The following ADGRF5 variants were observed in gnomAD, a reference collection of about 807,000 sequenced individuals.
ADGRF5 encodes adhesion G protein-coupled receptor F5.
Under a neutral mutation model 132.3 loss-of-function variants are expected in ADGRF5, and 75 were observed. The ratio of observed to expected loss-of-function variants is 0.57; its 90% CI spans 0.47 to 0.69. The LOEUF (loss-of-function observed/expected upper bound fraction) is 0.69. Ranked by LOEUF, ADGRF5 falls within the 30% of genes least tolerant of loss-of-function variation. The pLI is 0.00. For synonymous variants in ADGRF5, 629 were observed against 597.6 expected, an observed-to-expected ratio of 1.05 and a Z score of -0.77; for missense variants, 1,516 against 1,630.6, an observed-to-expected ratio of 0.93 and a Z score of 1.21.
At position 46,874,005 on chromosome 6, in the gene ADGRF5, C is replaced by CA. The variant is rs544123898; in HGVS notation, c.1241-1993dup. On this transcript the variant is annotated intron_variant, in intron 10 of 20. Transcript: ENST00000283296. ...CAGACCCCATTATCTGTGGTCTGCC[C>CA]ATTACACATGATTGTAGCTGAGTCT... is the stretch of plus-strand genomic sequence containing the variant. Among the ~76,000 whole-genome samples the CA allele has an allele frequency of 3.5e-3, 534 of 152,300 alleles. 7 individuals are homozygous for CA. The highest frequency in any genetic ancestry group is 0.031 in the South Asian group (149 of 4,826).
Position 46,879,868 on chromosome 6 carries a change from ATGT to A in ADGRF5, c.983_985del (p.Asn328del). On this transcript the variant is annotated inframe_deletion, in exon 9 of 21. Coordinates refer to ENST00000283296, the MANE Select transcript of ADGRF5 (RefSeq NM_001098518.2). Reference sequence around the variant, plus strand: ...GATGGTGAGCTTGGACACCGAAGTCATGTTGTTGAAAAGTGCGGTGTAAATCGA... The same window carrying A: ...GATGGTGAGCTTGGACACCGAAGTCATGTTGAAAAGTGCGGTGTAAATCGA... 1 of 1,614,142 alleles carries A rather than the reference ATGT, an allele frequency of 6.2e-7. No individual in the cohort carries two copies. Among genetic ancestry groups the A allele is most frequent in the African/African-American group, 1.3e-5 (1 of 75,050 alleles).
intron 20 of ADGRF5, chr6:46,854,683 G>C: frequency 8.2e-7 from 1 of 1,220,786 alleles, no homozygotes; most frequent in South Asian, 1.3e-5. Flanking sequence ...AGTGTGTGTC[G>C]GGCAAGAAAA....
upstream of ADGRF5, chr6:46,922,008 G>C (rs1450901508): frequency 6.6e-6 from 1 of 152,232 alleles, no homozygotes; most frequent in Non-Finnish European, 1.5e-5. Flanking sequence ...CGGATGGCGT[G>C]TGCGATTTCC....
At chr6:46,857,243 C>T (rs1326514060) in intron 17 of ADGRF5, among the ~76,000 whole-genome samples, 2 of 152,182 alleles carry the variant, frequency 1.3e-5, no homozygotes, top group Admixed American at 6.5e-5. Flanking sequence ...GGTGGGATAA[C>T]TAGTTCCTTC....
At chr6:46,873,750 A>T (rs1771342826) in intron 10 of ADGRF5, among the ~76,000 whole-genome samples, 1 of 152,168 alleles carries the variant, frequency 6.6e-6, no homozygotes, top group Non-Finnish European at 1.5e-5. Flanking sequence ...CATCTTCGGT[A>T]CCTTCAACTC....
chr6:46,884,991 C>G (rs547129555), intron 4 of ADGRF5, among the ~76,000 whole-genome samples: 16 of 152,214 alleles, frequency 1.1e-4, no homozygotes, highest in African/African-American at 3.6e-4. Flanking sequence ...CACTTGAGCC[C>G]AGGAGTTTGA....
chr6:46,920,557 T>G (rs927630535), intron 1 of ADGRF5, among the ~76,000 whole-genome samples: 389 of 121,532 alleles, frequency 3.2e-3, no homozygotes, highest in Admixed American at 3.8e-3. Flanking sequence ...ATATTGGGGG[T>G]GCAATTGAAA....
intron 3 of ADGRF5, among the ~76,000 whole-genome samples, chr6:46,892,790 T>A (rs114121115): frequency 6.6e-6 from 1 of 152,108 alleles, no homozygotes; most frequent in Non-Finnish European, 1.5e-5. Flanking sequence ...GAAAAATGCA[T>A]TGTGACCCAT....
At chr6:46,867,493 G>A (rs1199911025) in intron 12 of ADGRF5, among the ~76,000 whole-genome samples, 4 of 152,178 alleles carry the variant, frequency 2.6e-5, no homozygotes, top group Non-Finnish European at 4.4e-5. Context: ...TTTGCCGTGC[G>A]CAGAGGTGGG....
intron 1 of ADGRF5, among the ~76,000 whole-genome samples, chr6:46,912,563 G>A (rs1210326165): frequency 1.3e-5 from 2 of 152,104 alleles, no homozygotes; most frequent in East Asian, 1.9e-4. Flanking sequence ...GATTAGGTAA[G>A]ATTGATTAGG....
chr6:46,864,643 G>C (rs1167124336), intron 14 of ADGRF5, among the ~76,000 whole-genome samples: 1 of 151,506 alleles, frequency 6.6e-6, no homozygotes, highest in African/African-American at 2.4e-5. Flanking sequence ...TTCCGCCTCA[G>C]CCTCCCGAGC....
chr6:46,884,387 C>G (rs1772830065), intron 4 of ADGRF5, 116 bp from the exon 5 acceptor site: 1 of 788,044 alleles, frequency 1.3e-6, no homozygotes, highest in Non-Finnish European at 2.1e-6. Context: ...CTTTATATTA[C>G]CTTTCTGAGA....
intron 1 of ADGRF5, among the ~76,000 whole-genome samples, chr6:46,939,926 AG>A (rs1268076997): frequency 6.6e-6 from 1 of 152,236 alleles, no homozygotes; most frequent in African/African-American, 2.4e-5. Context: ...AAATGCTCAC[AG>A]GAACTTATTT....
chr6:46,925,493 A>G (rs1013213862), upstream of ADGRF5, among the ~76,000 whole-genome samples: 1 of 152,224 alleles, frequency 6.6e-6, no homozygotes, highest in Admixed American at 6.5e-5. Flanking sequence ...GCAGTGGCTC[A>G]TGCCTGTAAT....
intron 1 of ADGRF5, among the ~76,000 whole-genome samples, chr6:46,916,325 T>C (rs1776412636): frequency 6.6e-6 from 1 of 152,216 alleles, no homozygotes; most frequent in Non-Finnish European, 1.5e-5. Flanking sequence ...ACTGAACTTG[T>C]CTCCTGTCCC....
rs573068708 is a variant in ADGRF5, at chr6:46,858,377, C to A, written c.3526G>T (p.Ala1176Ser). 2 of 1,613,822 alleles carry A rather than the reference C, an allele frequency of 1.2e-6. No homozygotes were observed. Among genetic ancestry groups the A allele is most frequent in the South Asian group, 1.1e-5 (1 of 91,064 alleles). The change falls in exon 17 of 21, where the codon GCC (alanine) becomes TCC (serine). Residue 1176 changes from alanine to serine, a missense_variant. Ala to Ser is a moderately conservative substitution (Grantham distance 99). Coordinates refer to ENST00000283296, the MANE Select transcript of ADGRF5 (RefSeq NM_001098518.2). ...WEDTKALLAFAIPALIIVVVN... is the reference protein window; with the variant it reads ...WEDTKALLAFSIPALIIVVVN... ...ACCACAATGATCAGTGCTGGGATGG[C>A]GAAAGCCAGCAGGGCCTTGGTGTCC...
chr6:46,872,758 C>T (rs1771222082), intron 10 of ADGRF5, among the ~76,000 whole-genome samples: 1 of 152,122 alleles, frequency 6.6e-6, no homozygotes, highest in African/African-American at 2.4e-5. Context: ...CTACTCTAGT[C>T]CCTTTACTCT....
chr6:46,852,979 C>A lies in ADGRF5; in HGVS notation c.*1013G>T, dbSNP rs1289369807. 2 of 152,552 alleles carry A rather than the reference C, an allele frequency of 1.3e-5. No individual in the cohort carries two copies. Among genetic ancestry groups the A allele is most frequent in the Admixed American group, 1.3e-4 (2 of 15,266 alleles). The allele number at this position is 152,552 out of a possible 1,614,324, so 9.4% of individuals were successfully genotyped here. A position where few individuals can be genotyped will look rare whatever the true frequency, so the allele number is the denominator to read the frequency against. Reference sequence around the variant, plus strand: ...CTATTCTATAATGCACAGAGAAGTACCTGCTTGAAGCCATTAAATATATGA... The same window carrying A: ...CTATTCTATAATGCACAGAGAAGTAACTGCTTGAAGCCATTAAATATATGA... On this transcript the variant is annotated 3_prime_UTR_variant, in exon 21 of 21. Coordinates refer to ENST00000283296, the MANE Select transcript of ADGRF5 (RefSeq NM_001098518.2).
At chr6:46,897,021 G>A (rs2150874125) in intron 3 of ADGRF5, among the ~76,000 whole-genome samples, 1 of 151,900 alleles carries the variant, frequency 6.6e-6, no homozygotes, top group Non-Finnish European at 1.5e-5. Context: ...GCACATTTTG[G>A]TATCTGAGGG....
Sources: gnomAD v4.1 joint callset for allele counts (sites outside exome capture counted in the v4.1 genomes callset) on GRCh38, gnomAD v4.1.1 for gene constraint, MANE v1.5 for transcripts, NCBI Gene and HGNC (gene_info 2026-07-23, HGNC 2026-07-21) for gene names.